Variants in OPCML observed in about 807,000 individuals in gnomAD.
The protein encoded by OPCML is opioid binding protein/cell adhesion molecule like, also known as opioid-binding protein/cell adhesion molecule.
In OPCML, 13 loss-of-function variants were observed where a neutral mutation model predicts 37.8. The observed-to-expected ratio is 0.34, with a 90% CI of 0.22 to 0.55. The LOEUF (loss-of-function observed/expected upper bound fraction) is 0.55, where lower values mean the gene tolerates loss of function less well. Ranked by LOEUF, OPCML falls within the 20% of genes least tolerant of loss-of-function variation. The pLI, the probability that OPCML is intolerant of heterozygous loss-of-function variation, is 0.91. For missense variants in OPCML, 341 were observed against 435.6 expected (o/e 0.78, Z 1.93); for synonymous variants, 176 against 168.8 (o/e 1.04, Z -0.33).
intron 1 of OPCML, among the ~76,000 whole-genome samples, chr11:133,480,795 C>A (rs1382434699): frequency 6.6e-6 from 1 of 152,224 alleles, no homozygotes; most frequent in Non-Finnish European, 1.5e-5. Flanking sequence ...GAGGATCATG[C>A]AACATTTGTA....
intron 4 of OPCML, among the ~76,000 whole-genome samples, chr11:132,474,211 G>A (rs1310951785): frequency 6.6e-6 from 1 of 152,158 alleles, no homozygotes; most frequent in African/African-American, 2.4e-5. Context: ...GATGGATTGG[G>A]TCAGGTAGCC....
At chr11:132,441,245 G>A (rs2096033495) in intron 4 of OPCML, among the ~76,000 whole-genome samples, 1 of 132,358 alleles carries the variant, frequency 7.6e-6, no homozygotes, top group East Asian at 2.2e-4. Context: ...TCGGCTCACT[G>A]CAAGCTCCGC....
intron 3 of OPCML, among the ~76,000 whole-genome samples, chr11:132,653,708 G>T (rs2135758614): frequency 6.6e-6 from 1 of 152,306 alleles, no homozygotes; most frequent in Admixed American, 6.5e-5. Context: ...CAGGAAAGTT[G>T]GTGGCAGAGT....
At chr11:132,589,384 T>C (rs2096480425) in intron 3 of OPCML, among the ~76,000 whole-genome samples, 1 of 152,228 alleles carries the variant, frequency 6.6e-6, no homozygotes. Flanking sequence ...GTTTATTTAC[T>C]GTTTATTTTG....
intron 1 of OPCML, among the ~76,000 whole-genome samples, chr11:133,014,512 G>T (rs990012603): frequency 1.3e-5 from 2 of 152,156 alleles, no homozygotes; most frequent in Admixed American, 1.3e-4. Context: ...AGCGCTAAAG[G>T]TCTCACGGCT....
chr11:133,283,022 A>G (rs1470579055), intron 1 of OPCML, among the ~76,000 whole-genome samples: 1 of 152,196 alleles, frequency 6.6e-6, no homozygotes, highest in African/African-American at 2.4e-5. Flanking sequence ...TAGGCAGAAG[A>G]AGATAAGTCT....
chr11:133,289,594 CAAAAAAAAAA>C (rs1229577687), intron 1 of OPCML, among the ~76,000 whole-genome samples: 4 of 52,304 alleles, frequency 7.6e-5, no homozygotes, highest in African/African-American at 3.0e-4. Context: ...GACTCCATCT[CAAAAAAAAAA>C]AAAAAAAAAA....
intron 2 of OPCML, among the ~76,000 whole-genome samples, chr11:132,872,448 G>T (rs908811092): frequency 6.6e-6 from 1 of 152,086 alleles, no homozygotes; most frequent in Non-Finnish European, 1.5e-5. Flanking sequence ...TGGTGAGTGT[G>T]CAGGCGACAA....
chr11:132,869,725 A>G (rs1942721874), intron 2 of OPCML, among the ~76,000 whole-genome samples: 1 of 152,190 alleles, frequency 6.6e-6, no homozygotes, highest in Non-Finnish European at 1.5e-5. Flanking sequence ...AAACTGTTTT[A>G]GCTAATTGTG....
At chr11:133,133,620 T>G (rs1269118769) in intron 1 of OPCML, among the ~76,000 whole-genome samples, 2 of 152,092 alleles carry the variant, frequency 1.3e-5, no homozygotes, top group Non-Finnish European at 1.5e-5. Context: ...TCCCCTCTCT[T>G]TCCCTTGAGC....
At chr11:132,718,455 C>T (rs1281473402) in intron 2 of OPCML, among the ~76,000 whole-genome samples, 1 of 152,106 alleles carries the variant, frequency 6.6e-6, no homozygotes, top group Non-Finnish European at 1.5e-5. Flanking sequence ...CATGTGTATA[C>T]CTGGCAAGAG....
At chr11:133,508,976 GTT>G (rs796111876) in intron 1 of OPCML, among the ~76,000 whole-genome samples, 1 of 147,526 alleles carries the variant, frequency 6.8e-6, no homozygotes, top group African/African-American at 2.5e-5. Flanking sequence ...ATATAAGTTC[GTT>G]TTTTTTTTTA....
intron 2 of OPCML, among the ~76,000 whole-genome samples, chr11:132,832,246 A>G (rs1555195633): frequency 1.2e-5 from 1 of 84,554 alleles, no homozygotes; most frequent in Non-Finnish European, 2.3e-5. Context: ...TTTTATTTTA[A>G]TGAAAAAAAA....
chr11:132,846,530 A>G (rs1941549143), intron 2 of OPCML, among the ~76,000 whole-genome samples: 1 of 152,240 alleles, frequency 6.6e-6, no homozygotes, highest in South Asian at 2.1e-4. Flanking sequence ...AATTAGAGGA[A>G]GTCTAGGAAG....
chr11:133,017,440 C>T (rs12788472), intron 1 of OPCML, among the ~76,000 whole-genome samples: 2 of 151,830 alleles, frequency 1.3e-5, no homozygotes, highest in African/African-American at 4.8e-5. Context: ...CTCTGTCACC[C>T]AGGCTGGAGT....
intron 4 of OPCML, among the ~76,000 whole-genome samples, chr11:132,440,022 G>A (rs974895076): frequency 1.3e-4 from 20 of 152,156 alleles, no homozygotes; most frequent in African/African-American, 4.6e-4. Flanking sequence ...CTACACGTAG[G>A]GAGGGGATGG....
chr11:132,637,139 A>ATT (rs5795791), intron 3 of OPCML, among the ~76,000 whole-genome samples: 1,887 of 148,674 alleles, frequency 0.013, 14 homozygotes, highest in Non-Finnish European at 0.016. Flanking sequence ...AAGGAATTAG[A>ATT]TTTTTTTTTT....
chr11:132,693,986 T>G (rs1425905259), intron 2 of OPCML, among the ~76,000 whole-genome samples: 2 of 152,016 alleles, frequency 1.3e-5, no homozygotes, highest in South Asian at 4.2e-4. Context: ...TAGTTTATTA[T>G]ACCAGATTGG....
chr11:132,646,391 A>C (rs1941152712), intron 3 of OPCML, among the ~76,000 whole-genome samples: 2 of 152,242 alleles, frequency 1.3e-5, no homozygotes, highest in Non-Finnish European at 2.9e-5. Flanking sequence ...TTGGAAAGAC[A>C]ATCTAAGAGC....
Sources: allele counts gnomAD v4.1 joint callset (sites outside exome capture counted in the v4.1 genomes callset), GRCh38; gene constraint gnomAD v4.1.1; transcripts MANE v1.5; gene names NCBI Gene and HGNC (gene_info 2026-07-23, HGNC 2026-07-21).